The following MAN2A2 variants were observed in gnomAD, a reference collection of about 807,000 sequenced individuals.
MAN2A2 encodes mannosidase alpha class 2A member 2.
In MAN2A2, 79 loss-of-function variants were observed where a neutral mutation model predicts 126.8. That is an observed-to-expected ratio of 0.62 (90% CI 0.52 to 0.75). MAN2A2 has a LOEUF of 0.75. Ranked by LOEUF, MAN2A2 falls within the 30% of genes least tolerant of loss-of-function variation. The pLI is 0.00. For synonymous variants in MAN2A2, 671 were observed against 618.7 expected (o/e 1.08, Z -1.25); for missense variants, 1,392 against 1,522.4 (o/e 0.91, Z 1.43).
chr15:90,903,010 G>C (rs2033961604), upstream of MAN2A2: 1 of 151,958 alleles, frequency 6.6e-6, no homozygotes, highest in Non-Finnish European at 1.5e-5. Context: ...GAGGGCTCCG[G>C]CTGCCCCGAC....
intron 2 of MAN2A2, among the ~76,000 whole-genome samples, chr15:90,904,842 A>T (rs1013072688): frequency 2.6e-5 from 4 of 152,110 alleles, no homozygotes; most frequent in Non-Finnish European, 5.9e-5. Context: ...TGATCCACCC[A>T]CCTTGGCCTC....
chr15:90,913,350 A>G lies in MAN2A2; in HGVS notation c.2662A>G (p.Ile888Val), dbSNP rs1322997383. The G allele has an allele frequency of 6.2e-7, 1 of 1,609,336 alleles. No individual in the cohort carries two copies. The highest frequency in any genetic ancestry group is 8.5e-7 in the Non-Finnish European group (1 of 1,175,666). ...CGTCAACAAGGAGCTGGCCCTGCAC[A>G]TCCATACAGACATCGACAGCCAGGG... ...DYVNKELALH[I>V]HTDIDSQGIF... Residue 888 changes from isoleucine to valine, a missense_variant, in exon 18 of 23, where the codon ATC becomes GTC. Ile to Val is a conservative substitution (Grantham distance 29). Transcript: ENST00000559717.
chr15:90,903,877 C>T (rs918660172), intron 1 of MAN2A2: 3 of 404,502 alleles, frequency 7.4e-6, no homozygotes, highest in South Asian at 6.3e-5. Context: ...GGAGCCTGAA[C>T]AGGCACCTCC....
rs1310473567 is a variant in MAN2A2, at chr15:90,912,133, G to A, written c.2200G>A (p.Val734Met). The change falls in exon 15 of 23, where the codon GTG becomes ATG. Residue 734 changes from valine to methionine, a missense_variant. Val to Met is a conservative substitution (Grantham distance 21, BLOSUM62 1). Coordinates refer to ENST00000559717, the MANE Select transcript of MAN2A2 (RefSeq NM_006122.4). ...LDGHRTLPSS[V>M]RIYLHGRQLS... Reference sequence around the variant, plus strand: ...TGGGCACCGCACGCTGCCCTCCTCTGTGCGCATCTACCTGCACGGCCGGCA... The same window carrying A: ...TGGGCACCGCACGCTGCCCTCCTCTATGCGCATCTACCTGCACGGCCGGCA... 6.2e-7 allele frequency: 1 copy of A among 1,613,852 alleles called. No homozygotes were observed. The highest frequency in any genetic ancestry group is 1.1e-5 in the South Asian group (1 of 91,092).
intron 19 of MAN2A2, 123 bp downstream of exon 19, chr15:90,913,878 T>C: frequency 7.8e-7 from 1 of 1,289,100 alleles, no homozygotes; most frequent in Admixed American, 2.9e-5. Flanking sequence ...CCTCCATGCT[T>C]GGAGAGGGGG....
At chr15:90,917,436 C>T (rs938644520) in intron 20 of MAN2A2, among the ~76,000 whole-genome samples, 1 of 152,154 alleles carries the variant, frequency 6.6e-6, no homozygotes, top group Non-Finnish European at 1.5e-5. Context: ...GCTGACAGTA[C>T]GGAGCAGGTT....
In MAN2A2 at chr15:90,912,139, A is replaced by G. The variant is rs2034800798; in HGVS notation, c.2206A>G (p.Ile736Val). The change falls in exon 15 of 23, where the codon ATC (isoleucine) becomes GTC (valine). Residue 736 changes from isoleucine (I) to valine (V), a missense_variant. Ile to Val is a conservative substitution (Grantham distance 29). Coordinates refer to ENST00000559717, the MANE Select transcript of MAN2A2 (RefSeq NM_006122.4). ...CCGCACGCTGCCCTCCTCTGTGCGC[A>G]TCTACCTGCACGGCCGGCAGCTGTC... ...GHRTLPSSVR[I>V]YLHGRQLSVS... The G allele has an allele frequency of 6.2e-7, 1 of 1,613,852 alleles. No individual in the cohort carries two copies. The highest frequency in any genetic ancestry group is 8.5e-7 in the Non-Finnish European group (1 of 1,179,944).
At chr15:90,917,972 G>T in intron 20 of MAN2A2, 1 of 555,852 alleles carries the variant, frequency 1.8e-6, no homozygotes, top group Non-Finnish European at 3.2e-6. Context: ...AAGTAGAGAA[G>T]AAACAGCTTA....
rs1451247263 is a variant in MAN2A2 at position 90,908,220 on chromosome 15, G to C, written c.1196+725G>C. On this transcript the variant is annotated intron_variant, in intron 8 of 22. Coordinates refer to ENST00000559717, the MANE Select transcript of MAN2A2 (RefSeq NM_006122.4). ...AGTTGTGATCAGTGAGGCTGGCCTAGGTTTACAAGAACAGGCCCTGAAAGG... is the reference window on the plus strand; with the variant it reads ...AGTTGTGATCAGTGAGGCTGGCCTACGTTTACAAGAACAGGCCCTGAAAGG... Among the ~76,000 whole-genome samples, 3 of 152,208 alleles carry C rather than the reference G, an allele frequency of 2.0e-5. No individual in the cohort carries two copies. The South Asian group carries it at 6.2e-4, about 31-fold the overall frequency.
At chr15:90,907,551 C>T (rs1205858365) in intron 8 of MAN2A2, 56 bp downstream of exon 8, 8 of 1,540,846 alleles carry the variant, frequency 5.2e-6, no homozygotes, top group Admixed American at 3.5e-5. Flanking sequence ...TGGCTCTGGT[C>T]TGGGCCGTGC....
At chr15:90,904,729 A>G (rs1161906772) in intron 2 of MAN2A2, among the ~76,000 whole-genome samples, 1 of 151,936 alleles carries the variant, frequency 6.6e-6, no homozygotes, top group East Asian at 1.9e-4. Flanking sequence ...AGCTGGGACT[A>G]CAGGAGCCTG....
Position 90,910,582 on chromosome 15 carries a change from C to T in MAN2A2, c.1659C>T (p.Phe553=). ...GLAGRYPLSD[F]TLLTEARRTL... ...CTGGCCGGTACCCACTGTCTGATTT[C>T]ACCCTCCTGACGGAAGCTCGGCGCA... is the stretch of plus-strand genomic sequence containing the variant. The change falls in exon 11 of 23, where the codon TTC becomes TTT. Residue 553 remains phenylalanine (F), a synonymous_variant. Coordinates refer to ENST00000559717, the MANE Select transcript of MAN2A2 (RefSeq NM_006122.4). The T allele has an allele frequency of 6.2e-7, 1 of 1,614,192 alleles. No individual in the cohort carries two copies. Among genetic ancestry groups the T allele is most frequent in the South Asian group, 1.1e-5 (1 of 91,080 alleles).
At chr15:90,907,592 G>A (rs1338644654) in intron 8 of MAN2A2, 97 bp downstream of exon 8, 1 of 1,188,766 alleles carries the variant, frequency 8.4e-7, no homozygotes, top group Non-Finnish European at 1.2e-6. Flanking sequence ...GTGGTGAGTT[G>A]AGGCTCCTAG....
chr15:90,908,750 A>AT (rs2034494121), intron 8 of MAN2A2, among the ~76,000 whole-genome samples: 1 of 151,788 alleles, frequency 6.6e-6, no homozygotes, highest in Non-Finnish European at 1.5e-5. Flanking sequence ...TAATTTTTGT[A>AT]TTTTTAGTAG....
chr15:90,911,371 C>T lies in MAN2A2; in HGVS notation c.1944-14C>T, dbSNP rs1368546500. On this transcript the variant is annotated splice_polypyrimidine_tract_variant and intron_variant, in intron 13 of 22. Coordinates refer to ENST00000559717, the MANE Select transcript of MAN2A2 (RefSeq NM_006122.4). ...AGCAGCAGCCTCCTGGGTCAGCCCA[C>T]CTTCTACGCACAGGTTTGTGGTCCT... 6.2e-7 allele frequency: 1 copy of T among 1,614,054 alleles called. No individual in the cohort carries two copies. Among genetic ancestry groups the T allele is most frequent in the Admixed American group, 1.7e-5 (1 of 60,026 alleles).
At position 90,913,299 on chromosome 15, in the gene MAN2A2, T is replaced by C. The variant is rs1311692738; in HGVS notation, c.2611T>C (p.Ser871Pro). The change falls in exon 18 of 23, where the codon TCA (serine) becomes CCA (proline). Residue 871 changes from serine (S) to proline (P), a missense_variant. Coordinates refer to ENST00000559717, the MANE Select transcript of MAN2A2 (RefSeq NM_006122.4). ...PGVEGLSLDI[S>P]SLVDIRDYVN... ...GGTGGAGGGGCTGTCTCTGGACATA[T>C]CATCCCTGGTGGACATCCGGGACTA... 6 of 1,613,992 alleles carry C rather than the reference T, an allele frequency of 3.7e-6. No individual in the cohort carries two copies. Among genetic ancestry groups the C allele is most frequent in the South Asian group, 2.2e-5 (2 of 91,078 alleles).
rs2034069511 is a variant in MAN2A2, at chr15:90,904,275, A to G, written c.68A>G (p.Tyr23Cys). The G allele has an allele frequency of 6.2e-7, 1 of 1,614,134 alleles. No homozygotes were observed. The highest frequency in any genetic ancestry group is 8.5e-7 in the Non-Finnish European group (1 of 1,180,024). Reference protein sequence around the residue: ...AIFCVAVFSLYLMLDRVQHDP... With the variant: ...AIFCVAVFSLCLMLDRVQHDP... ...TTCTGTGTGGCAGTCTTCTCGCTCT[A>G]CCTCATGCTGGACCGAGTGCAACAC... Residue 23 changes from tyrosine (Y) to cysteine (C), a missense_variant, in exon 2 of 23, where the codon TAC (tyrosine) becomes TGC (cysteine). Coordinates refer to ENST00000559717, the MANE Select transcript of MAN2A2 (RefSeq NM_006122.4).
chr15:90,916,115 T>G lies in MAN2A2; in HGVS notation c.2861-8T>G. The G allele has an allele frequency of 6.2e-7, 1 of 1,613,594 alleles. No individual in the cohort carries two copies. The highest frequency in any genetic ancestry group is 8.5e-7 in the Non-Finnish European group (1 of 1,179,770). The stretch of plus-strand genomic sequence containing the variant: ...GGGCGGGCCAGCACTCACTGTTTGC[T>G]TCCCCAGGCCAGCTGGAGGTGATCT... On this transcript the variant is annotated splice_polypyrimidine_tract_variant and splice_region_variant and intron_variant, in intron 19 of 22. Transcript: ENST00000559717.
At position 90,920,882 on chromosome 15, in the gene MAN2A2, T is replaced by G. The variant is rs1220136332; in HGVS notation, c.*1095T>G. ...TCAATTAATAGGGAAGAATTTATGA[T>G]AGCTCTATAGATGCTGAAAAGGTAT... On this transcript the variant is annotated 3_prime_UTR_variant, in exon 23 of 23. Transcript: ENST00000559717. The G allele has an allele frequency of 3.3e-5, 5 of 152,248 alleles. 1 individual carries two copies. In the South Asian group the frequency reaches 1.0e-3, roughly 31 times the overall value. The allele number at this position is 152,248 out of a possible 1,614,324, so 9.4% of individuals were successfully genotyped here.
Sources: allele counts gnomAD v4.1 joint callset (sites outside exome capture counted in the v4.1 genomes callset), GRCh38; gene constraint gnomAD v4.1.1; transcripts MANE v1.5; gene names NCBI Gene and HGNC (gene_info 2026-07-23, HGNC 2026-07-21).